XIST: variants seen among roughly 807,000 people sequenced by gnomAD.
XIST encodes X inactive specific transcript, also known as X inactive specific transcript (non-protein coding).
chrX:73,843,562 A>T, exon 1 of XIST: 2 of 559,074 alleles, frequency 3.6e-6, no homozygotes, highest in Non-Finnish European at 6.5e-6. Flanking sequence ...ATATGTGGAG[A>T]TCAACTCTTA....
At chrX:73,827,171 G>A in exon 6 of XIST, 1 of 558,431 alleles carries the variant, frequency 1.8e-6, no homozygotes, top group Non-Finnish European at 3.2e-6. Context: ...GCCTTGTTTT[G>A]GTCTTGGATC....
chrX:73,823,899 G>T lies in XIST; in HGVS notation n.16002C>A, dbSNP rs144341862. ...GATAACATCATTTTTATATCCTAGG[G>T]CATGTAGTTCCGAGCCCCACAGAAA... On this transcript the variant is annotated non_coding_transcript_exon_variant, in exon 6 of 6. Coordinates refer to ENST00000429829, the Ensembl canonical transcript of XIST. 2.4e-4 allele frequency: 131 copies of T among 555,057 alleles called. No individual in the cohort carries two copies. In the African/African-American group the frequency reaches 2.6e-3, roughly 11 times the overall value. The allele number at this position is 555,057 out of a possible 1,213,427, so 45.7% of individuals were successfully genotyped here.
At chrX:73,847,720 TAA>T (rs1490837291) in exon 1 of XIST, 11 of 551,434 alleles carry the variant, frequency 2.0e-5, no homozygotes, top group Non-Finnish European at 3.6e-5. Context: ...ATATGCACAT[TAA>T]GAGTCATGGA....
exon 1 of XIST, chrX:73,844,487 A>G (rs774367187): frequency 1.2e-4 from 69 of 556,807 alleles, no homozygotes; most frequent in Non-Finnish European, 1.6e-4. Context: ...TGAGAGTAGG[A>G]CTTTATTCAA....
intron 4 of XIST, among the ~76,000 whole-genome samples, chrX:73,830,564 T>C (rs1159665463): frequency 9.0e-6 from 1 of 111,633 alleles, no homozygotes; most frequent in Non-Finnish European, 1.9e-5. Flanking sequence ...TTTAGTCAGG[T>C]TTCCATTTGT....
exon 6 of XIST, chrX:73,827,821 T>C (rs1419534886): frequency 1.9e-6 from 1 of 531,469 alleles, no homozygotes; most frequent in Non-Finnish European, 3.4e-6. Context: ...AAATGAGAGA[T>C]ATGTCTAAGA....
chrX:73,849,270 C>A (rs1243929270), exon 1 of XIST: 2 of 558,939 alleles, frequency 3.6e-6, no homozygotes, highest in Admixed American at 4.4e-5. Context: ...GTTTAATAGG[C>A]AAAGCTATGA....
exon 6 of XIST, chrX:73,825,677 T>C (rs1169521524): frequency 7.8e-6 from 4 of 512,354 alleles, no homozygotes; most frequent in Non-Finnish European, 1.4e-5. Flanking sequence ...AGAAACCATA[T>C]GGCCCACAGT....
At chrX:73,842,008 A>T (rs1316134586) in exon 1 of XIST, 1 of 545,879 alleles carries the variant, frequency 1.8e-6, no homozygotes, top group Admixed American at 2.3e-5. Context: ...AATATCTTTG[A>T]TATTAAAATA....
exon 6 of XIST, chrX:73,826,396 GTCTC>G (rs1264835942): frequency 1.8e-6 from 1 of 556,793 alleles, no homozygotes; most frequent in Non-Finnish European, 3.2e-6. Flanking sequence ...GGATTTTGGT[GTCTC>G]TCTCAAGTGG....
intron 4 of XIST, among the ~76,000 whole-genome samples, chrX:73,830,128 CA>C (rs1002340755): frequency 4.8e-5 from 5 of 104,638 alleles, no homozygotes; most frequent in Admixed American, 2.0e-4. Context: ...AGCTAAAATA[CA>C]AAAAAAAAGA....
intron 2 of XIST, among the ~76,000 whole-genome samples, chrX:73,834,740 C>T (rs369926901): frequency 2.2e-3 from 228 of 102,001 alleles, no homozygotes; most frequent in African/African-American, 7.9e-3. Context: ...AATCCTAGCA[C>T]TTTGGGAGGC....
chrX:73,851,391 G>C, exon 1 of XIST: 1 of 559,133 alleles, frequency 1.8e-6, no homozygotes, highest in Non-Finnish European at 3.2e-6. Flanking sequence ...CTTTTCCTGT[G>C]TGACCGCACA....
exon 6 of XIST, chrX:73,825,786 T>G: frequency 1.9e-6 from 1 of 522,551 alleles, no homozygotes; most frequent in East Asian, 3.5e-5. Flanking sequence ...GTTAACTGCA[T>G]GATTGCCAAT....
exon 1 of XIST, chrX:73,841,640 T>C (rs1053157244): frequency 3.6e-6 from 2 of 556,472 alleles, no homozygotes; most frequent in Non-Finnish European, 6.5e-6. Flanking sequence ...ATCTCACTGT[T>C]GAAATTTATA....
At chrX:73,831,092 A>G (rs367657932) in exon 4 of XIST, 3 of 556,402 alleles carry the variant, frequency 5.4e-6, no homozygotes, top group East Asian at 3.3e-5. Flanking sequence ...TGTTTTTGAG[A>G]CTTTATCTTC....
At position 73,851,887 on chromosome X, in the gene XIST, AG is replaced by A. The variant is rs774791667; in HGVS notation, n.836del. ...TAACTGCAGAGTCATTCTCTGCCAA[AG>A]CGGTAGGTACACTCACACACCACCA... is the stretch of plus-strand genomic sequence containing the variant. On this transcript the variant is annotated non_coding_transcript_exon_variant, in exon 1 of 6. Transcript: ENST00000429829. 13 of 556,434 alleles carry A rather than the reference AG, an allele frequency of 2.3e-5. No homozygotes were observed. The African/African-American group carries it at 2.9e-4, about 13-fold the overall frequency. 45.9% of individuals were successfully genotyped at this position (556,434 alleles called of 1,213,427 possible).
exon 6 of XIST, chrX:73,820,739 A>T (rs1021493718): frequency 1.3e-5 from 7 of 555,725 alleles, no homozygotes; most frequent in Middle Eastern, 6.2e-4. Context: ...GCTTAAGATT[A>T]CTTTCTGGTG....
At chrX:73,849,940 G>A (rs1922872508) in exon 1 of XIST, 2 of 550,852 alleles carry the variant, frequency 3.6e-6, no homozygotes, top group Non-Finnish European at 6.5e-6. Context: ...AGCAGGGCTG[G>A]GGAGGAACTG....
Sources: allele counts gnomAD v4.1 joint callset (sites outside exome capture counted in the v4.1 genomes callset), GRCh38; gene constraint gnomAD v4.1.1; transcripts MANE v1.5; gene names NCBI Gene and HGNC (gene_info 2026-07-23, HGNC 2026-07-21).